RNF169: variants seen among roughly 807,000 people sequenced by gnomAD.
RNF169 encodes the protein E3 ubiquitin-protein ligase RNF169.
RNF169 carries 24 observed loss-of-function variants against 53.9 expected under a neutral mutation model. The observed-to-expected ratio is 0.45, with a 90% CI of 0.32 to 0.63. The LOEUF is 0.63. Among genes scored for constraint, RNF169 ranks in the 20% least tolerant of loss-of-function variants. The pLI is 0.04. For synonymous variants in RNF169, 396 were observed against 363.5 expected (o/e 1.09, Z -1.02); for missense variants, 883 against 906.2 (o/e 0.97, Z 0.33).
chr11:74,767,658 C>T lies in RNF169; in HGVS notation c.502+18276C>T, dbSNP rs1418323624. 3.3e-5 allele frequency among the ~76,000 whole-genome samples: 5 copies of T among 152,248 alleles called. No individual in the cohort carries two copies. The East Asian group carries it at 9.6e-4, about 29-fold the overall frequency. On this transcript the variant is annotated intron_variant, in intron 1 of 5. Coordinates refer to ENST00000299563, the MANE Select transcript of RNF169 (RefSeq NM_001098638.2). ...GATCTTGGCTCACTGCAACCTCCGC[C>T]TCCTGGGTTCACGCCATTCTCCTGC...
intron 1 of RNF169, among the ~76,000 whole-genome samples, chr11:74,766,741 T>A (rs1446096810): frequency 6.6e-6 from 1 of 152,166 alleles, no homozygotes; most frequent in African/African-American, 2.4e-5. Flanking sequence ...AATAATATAT[T>A]TGAAACTTTT....
chr11:74,778,771 C>G (rs1039225123), intron 1 of RNF169, among the ~76,000 whole-genome samples: 1 of 152,246 alleles, frequency 6.6e-6, no homozygotes, highest in African/African-American at 2.4e-5. Context: ...CCATGTTCCA[C>G]TGGACAGGGG....
At chr11:74,819,939 A>G (rs2035987534) in intron 4 of RNF169, among the ~76,000 whole-genome samples, 1 of 152,062 alleles carries the variant, frequency 6.6e-6, no homozygotes, top group South Asian at 2.1e-4. Context: ...GGTGGATCAG[A>G]GTGTGGCACA....
chr11:74,785,294 A>G (rs1298821655), intron 1 of RNF169, among the ~76,000 whole-genome samples: 1 of 144,892 alleles, frequency 6.9e-6, no homozygotes, highest in African/African-American at 2.5e-5. Context: ...TATGTTATAT[A>G]TATTAGAGAT....
At chr11:74,821,764 G>C (rs191590341) in intron 4 of RNF169, among the ~76,000 whole-genome samples, 50 of 152,228 alleles carry the variant, frequency 3.3e-4, no homozygotes, top group Middle Eastern at 3.4e-3. Flanking sequence ...GAGGAAGTGG[G>C]GTTTGAGGTG....
Position 74,816,061 on chromosome 11 carries a change from G to T in RNF169, c.724-1535G>T, listed in dbSNP as rs562521917. Among the ~76,000 whole-genome samples the T allele has an allele frequency of 1.9e-4, 29 of 152,244 alleles. No homozygotes were observed. The South Asian group carries it at 5.2e-3, about 27-fold the overall frequency. The stretch of plus-strand genomic sequence containing the variant: ...AAATTGAAAGGCCTCTCTGTAAATT[G>T]TAATTCTTCAAATCTCTCTCAAAGG... On this transcript the variant is annotated intron_variant, in intron 3 of 5. Coordinates refer to ENST00000299563, the MANE Select transcript of RNF169 (RefSeq NM_001098638.2).
intron 5 of RNF169, among the ~76,000 whole-genome samples, 185 bp from the exon 6 acceptor site, chr11:74,835,361 A>G (rs1448267522): frequency 1.3e-5 from 2 of 152,122 alleles, no homozygotes; most frequent in African/African-American, 2.4e-5. Context: ...TTTGAAGTAT[A>G]TAGGATTTTC....
chr11:74,816,575 T>G (rs762411105), intron 3 of RNF169, among the ~76,000 whole-genome samples: 1 of 152,188 alleles, frequency 6.6e-6, no homozygotes, highest in Non-Finnish European at 1.5e-5. Flanking sequence ...AAACTAACTC[T>G]AGGATAATTT....
At chr11:74,756,481 A>T (rs188057666) in intron 1 of RNF169, among the ~76,000 whole-genome samples, 19 of 152,338 alleles carry the variant, frequency 1.2e-4, no homozygotes, top group Admixed American at 1.2e-3. Flanking sequence ...GTTGTTAAAG[A>T]CTAAATGAAT....
intron 2 of RNF169, among the ~76,000 whole-genome samples, chr11:74,798,038 T>C (rs1165153016): frequency 6.6e-6 from 1 of 152,190 alleles, no homozygotes. Context: ...TTTAATCTCT[T>C]AATCCTGTCA....
intron 2 of RNF169, among the ~76,000 whole-genome samples, chr11:74,796,604 T>C (rs1045953760): frequency 1.3e-5 from 2 of 152,210 alleles, no homozygotes; most frequent in African/African-American, 4.8e-5. Flanking sequence ...TTGTTTTGAT[T>C]TGGGAAACAC....
chr11:74,749,405 T>G (rs961144043), intron 1 of RNF169, 23 bp downstream of exon 1: 8 of 1,200,778 alleles, frequency 6.7e-6, no homozygotes, highest in African/African-American at 1.6e-5. Flanking sequence ...CACTTCCCCT[T>G]AGGGTCTGGA....
chr11:74,804,267 T>G (rs2035774163), intron 2 of RNF169, among the ~76,000 whole-genome samples: 1 of 152,192 alleles, frequency 6.6e-6, no homozygotes, highest in African/African-American at 2.4e-5. Context: ...TGCCCGGAGC[T>G]GCTAGGATAG....
intron 2 of RNF169, among the ~76,000 whole-genome samples, chr11:74,794,043 G>A (rs1340540817): frequency 6.6e-6 from 1 of 152,084 alleles, no homozygotes; most frequent in Non-Finnish European, 1.5e-5. Flanking sequence ...GTATGTGCTA[G>A]GCACTGGGGA....
chr11:74,804,756 T>A (rs1316762697), intron 2 of RNF169, among the ~76,000 whole-genome samples: 1 of 152,194 alleles, frequency 6.6e-6, no homozygotes, highest in Non-Finnish European at 1.5e-5. Context: ...TATTATACGT[T>A]GTTTGCTTGA....
intron 1 of RNF169, among the ~76,000 whole-genome samples, chr11:74,788,618 C>T (rs1591406254): frequency 6.6e-6 from 1 of 152,274 alleles, no homozygotes; most frequent in South Asian, 2.1e-4. Context: ...TGGTTTTGAA[C>T]TCCTGGCCTC....
intron 1 of RNF169, among the ~76,000 whole-genome samples, chr11:74,765,240 A>G (rs2035154125): frequency 6.6e-6 from 1 of 152,128 alleles, no homozygotes. Context: ...AAAGAAATAC[A>G]ATATATAACT....
At chr11:74,773,231 A>G (rs1343928369) in intron 1 of RNF169, among the ~76,000 whole-genome samples, 2 of 152,190 alleles carry the variant, frequency 1.3e-5, no homozygotes, top group African/African-American at 4.8e-5. Flanking sequence ...TATCTGGCAT[A>G]TAGTAGGTTC....
intron 4 of RNF169, among the ~76,000 whole-genome samples, chr11:74,825,815 T>A (rs915440195): frequency 6.6e-6 from 1 of 152,126 alleles, no homozygotes; most frequent in Non-Finnish European, 1.5e-5. Flanking sequence ...CCAAGTAGGC[T>A]CCATCCCATG....
Sources: allele counts gnomAD v4.1 joint callset (sites outside exome capture counted in the v4.1 genomes callset), GRCh38; gene constraint gnomAD v4.1.1; transcripts MANE v1.5; gene names NCBI Gene and HGNC (gene_info 2026-07-23, HGNC 2026-07-21).